ADGRL3: variants seen among roughly 807,000 people sequenced by gnomAD.
ADGRL3 encodes the protein calcium-independent alpha-latrotoxin receptor 3.
In ADGRL3, 62 loss-of-function variants were observed where a neutral mutation model predicts 153.5. That is an observed-to-expected ratio of 0.40 (90% CI 0.33 to 0.50). The LOEUF (loss-of-function observed/expected upper bound fraction) is 0.50, where lower values mean the gene tolerates loss of function less well. Among genes scored for constraint, ADGRL3 ranks in the 20% least tolerant of loss-of-function variants. The pLI is 0.47. For missense variants in ADGRL3, 1,641 were observed against 1,859.4 expected (o/e 0.88, Z 2.16); for synonymous variants, 710 against 672.5 (o/e 1.06, Z -0.86).
At chr4:61,513,779 A>T (rs533747875) in intron 3 of ADGRL3, among the ~76,000 whole-genome samples, 3 of 152,336 alleles carry the variant, frequency 2.0e-5, no homozygotes, top group South Asian at 4.1e-4. Context: ...CTAATCAAAT[A>T]TGCAGTTTTT....
chr4:61,636,391 G>A (rs1252704303), intron 5 of ADGRL3, among the ~76,000 whole-genome samples: 1 of 152,150 alleles, frequency 6.6e-6, no homozygotes, highest in Non-Finnish European at 1.5e-5. Context: ...ATTTGAAATG[G>A]TGTACAACAT....
At chr4:61,257,118 G>A (rs2149512652) in intron 1 of ADGRL3, among the ~76,000 whole-genome samples, 1 of 152,190 alleles carries the variant, frequency 6.6e-6, no homozygotes, top group African/African-American at 2.4e-5. Context: ...CAGTTTCATT[G>A]TAAAATATTT....
At chr4:62,013,245 T>G (rs2099194876) in intron 21 of ADGRL3, among the ~76,000 whole-genome samples, 1 of 152,046 alleles carries the variant, frequency 6.6e-6, no homozygotes. Context: ...AAATTTGTTG[T>G]TATAGGCTGG....
chr4:61,373,358 T>A (rs1395890195), intron 1 of ADGRL3, among the ~76,000 whole-genome samples: 1 of 152,304 alleles, frequency 6.6e-6, no homozygotes, highest in South Asian at 2.1e-4. Context: ...TAATTTGAAA[T>A]AGTATCCTAG....
rs2098518750 is a variant in ADGRL3, at chr4:61,519,757, G to C, written c.259+2239G>C. ...GAGGAATTTGAACAAGAAAATGTCA[G>C]TGAATTCAAGTTCTCACCTTTCCTC... On this transcript the variant is annotated intron_variant, in intron 4 of 26. Coordinates refer to ENST00000683033, the MANE Select transcript of ADGRL3 (RefSeq NM_001387552.1). 6.6e-5 allele frequency among the ~76,000 whole-genome samples: 10 copies of C among 152,226 alleles called. No homozygotes were observed. The South Asian group carries it at 2.1e-3, about 32-fold the overall frequency.
intron 21 of ADGRL3, among the ~76,000 whole-genome samples, chr4:61,999,886 T>C (rs539303230): frequency 4.6e-5 from 7 of 152,186 alleles, no homozygotes; most frequent in Non-Finnish European, 1.0e-4. Flanking sequence ...CAATGAGTGA[T>C]AGTCTTTTGT....
chr4:61,703,171 T>C (rs1378727692), intron 6 of ADGRL3, among the ~76,000 whole-genome samples: 3 of 152,152 alleles, frequency 2.0e-5, no homozygotes, highest in African/African-American at 7.2e-5. Context: ...TATCCATGCC[T>C]CAGTTTCCCT....
At chr4:61,566,652 T>C (rs771144861) in intron 4 of ADGRL3, among the ~76,000 whole-genome samples, 11 of 152,124 alleles carry the variant, frequency 7.2e-5, no homozygotes, top group African/African-American at 9.7e-5. Flanking sequence ...CTGATGAAGA[T>C]AAAAATATAT....
intron 5 of ADGRL3, among the ~76,000 whole-genome samples, chr4:61,652,589 A>T (rs1233639192): frequency 6.6e-6 from 1 of 152,220 alleles, no homozygotes; most frequent in African/African-American, 2.4e-5. Context: ...CCTCTGAAAT[A>T]TTAATAAATA....
intron 8 of ADGRL3, among the ~76,000 whole-genome samples, chr4:61,799,773 G>A (rs2097466954): frequency 6.6e-6 from 1 of 152,100 alleles, no homozygotes; most frequent in Non-Finnish European, 1.5e-5. Context: ...TGTCTCAGAG[G>A]CAGCAACTGT....
chr4:62,026,082 A>G (rs1027956796), intron 21 of ADGRL3, among the ~76,000 whole-genome samples: 30 of 152,146 alleles, frequency 2.0e-4, no homozygotes, highest in Admixed American at 3.9e-4. Flanking sequence ...TGATCTTTAG[A>G]TTTTAAATCA....
At chr4:61,681,323 C>T (rs1490316472) in intron 6 of ADGRL3, among the ~76,000 whole-genome samples, 1 of 152,216 alleles carries the variant, frequency 6.6e-6, no homozygotes, top group African/African-American at 2.4e-5. Context: ...TACAATTTCA[C>T]GCACATTACA....
intron 4 of ADGRL3, among the ~76,000 whole-genome samples, chr4:61,565,735 G>T (rs1233097774): frequency 1.3e-5 from 2 of 151,710 alleles, no homozygotes; most frequent in Non-Finnish European, 2.9e-5. Context: ...ATGGGATTTC[G>T]CCATGTTGGC....
At chr4:61,412,457 A>G in intron 2 of ADGRL3, among the ~76,000 whole-genome samples, 1 of 152,192 alleles carries the variant, frequency 6.6e-6, no homozygotes. Flanking sequence ...TGAAAAAGGC[A>G]GGCATTGGTT....
chr4:62,035,701 G>A (rs991575539), intron 23 of ADGRL3, among the ~76,000 whole-genome samples: 36 of 152,026 alleles, frequency 2.4e-4, no homozygotes, highest in Admixed American at 1.7e-3. Context: ...GATAATATTA[G>A]TAATATACAA....
chr4:61,597,108 A>T (rs1020364732), intron 5 of ADGRL3, among the ~76,000 whole-genome samples: 1 of 152,024 alleles, frequency 6.6e-6, no homozygotes, highest in African/African-American at 2.4e-5. Context: ...AAAAGACTTG[A>T]GATCTTTCCA....
At chr4:61,790,269 A>G (rs993786490) in intron 8 of ADGRL3, among the ~76,000 whole-genome samples, 5 of 152,138 alleles carry the variant, frequency 3.3e-5, no homozygotes, top group African/African-American at 1.2e-4. Flanking sequence ...TGTTCATTTT[A>G]AACAAAGTTC....
chr4:61,294,567 T>C (rs933986472), intron 1 of ADGRL3, among the ~76,000 whole-genome samples: 1 of 152,124 alleles, frequency 6.6e-6, no homozygotes, highest in African/African-American at 2.4e-5. Context: ...GGATGCATCG[T>C]GGTAATTGAT....
chr4:61,992,533 G>A (rs1026341315), intron 19 of ADGRL3, among the ~76,000 whole-genome samples: 1 of 152,148 alleles, frequency 6.6e-6, no homozygotes, highest in African/African-American at 2.4e-5. Context: ...ACAACAGCAG[G>A]TGTGGCCATA....
Sources: allele counts gnomAD v4.1 joint callset (sites outside exome capture counted in the v4.1 genomes callset), GRCh38; gene constraint gnomAD v4.1.1; transcripts MANE v1.5; gene names NCBI Gene and HGNC (gene_info 2026-07-23, HGNC 2026-07-21).